The following SOX13 variants were observed in gnomAD, a reference collection of about 807,000 sequenced individuals.
SOX13 encodes the protein SRY-box transcription factor 13.
In SOX13, 28 loss-of-function variants were observed where a neutral mutation model predicts 71.8. The observed-to-expected ratio is 0.39, with a 90% CI of 0.29 to 0.53. The LOEUF (loss-of-function observed/expected upper bound fraction) is 0.53, where lower values mean the gene tolerates loss of function less well. SOX13 is among the 20% of genes least tolerant of loss of function. The pLI is 0.70. For missense variants in SOX13, 627 were observed against 810.3 expected (o/e 0.77, Z 2.75); for synonymous variants, 309 against 317.8 (o/e 0.97, Z 0.29).
chr1:204,110,844 A>G (rs1656567301), intron 1 of SOX13, among the ~76,000 whole-genome samples: 1 of 151,782 alleles, frequency 6.6e-6, no homozygotes, highest in South Asian at 2.1e-4. Flanking sequence ...CTGTAGGGAT[A>G]TTTTTACTAT....
At chr1:204,110,336 T>C (rs1656555070) in intron 1 of SOX13, among the ~76,000 whole-genome samples, 3 of 139,676 alleles carry the variant, frequency 2.1e-5, no homozygotes, top group African/African-American at 7.6e-5. Flanking sequence ...GCTATGTTGC[T>C]CATGCTAATG....
intron 7 of SOX13, chr1:204,119,092 GAA>G (rs942133499): frequency 1.3e-5 from 2 of 152,320 alleles, no homozygotes; most frequent in African/African-American, 4.8e-5. Flanking sequence ...AAGAGAGAGA[GAA>G]GAGGAAATTC....
intron 1 of SOX13, among the ~76,000 whole-genome samples, chr1:204,082,577 C>T (rs1261503216): frequency 2.6e-5 from 4 of 152,100 alleles, no homozygotes; most frequent in African/African-American, 4.8e-5. Flanking sequence ...CCCCCTCGCC[C>T]GGGAGCACTT....
intron 4 of SOX13, 136 bp from the exon 5 acceptor site, chr1:204,116,371 C>G: frequency 6.4e-7 from 1 of 1,571,528 alleles, no homozygotes; most frequent in Non-Finnish European, 8.6e-7. Context: ...GTGTCATCAT[C>G]TCTGTGGCTC....
At chr1:204,099,576 C>A (rs1656321027) in intron 1 of SOX13, among the ~76,000 whole-genome samples, 1 of 151,722 alleles carries the variant, frequency 6.6e-6, no homozygotes, top group African/African-American at 2.4e-5. Flanking sequence ...CCACACCTGG[C>A]AAATTTTTGT....
intron 4 of SOX13, chr1:204,116,296 G>T (rs1420746116): frequency 6.6e-7 from 1 of 1,524,484 alleles, no homozygotes; most frequent in Non-Finnish European, 8.8e-7. Flanking sequence ...GCTAATAGGG[G>T]AGAACTTCTA....
intron 1 of SOX13, among the ~76,000 whole-genome samples, chr1:204,107,137 T>C (rs577656955): frequency 2.0e-5 from 3 of 152,320 alleles, no homozygotes; most frequent in African/African-American, 4.8e-5. Context: ...ACTTACAGAA[T>C]AGATATTCAC....
chr1:204,117,825 T>G (rs147444682), intron 7 of SOX13, 118 bp downstream of exon 7: 1,121 of 662,696 alleles, frequency 1.7e-3, no homozygotes, highest in Non-Finnish European at 2.6e-3. Flanking sequence ...GCCTCAGTTT[T>G]GGATCTGTCT....
intron 1 of SOX13, among the ~76,000 whole-genome samples, chr1:204,107,009 C>A (rs1251883732): frequency 6.6e-6 from 1 of 152,112 alleles, no homozygotes; most frequent in Non-Finnish European, 1.5e-5. Context: ...AAGTTACTTG[C>A]CCAAGGTTGC....
intron 1 of SOX13, among the ~76,000 whole-genome samples, chr1:204,085,155 G>A (rs1240748411): frequency 1.3e-5 from 2 of 152,178 alleles, no homozygotes; most frequent in African/African-American, 4.8e-5. Flanking sequence ...AGCACCTACT[G>A]TGTGCCAGCC....
At chr1:204,096,485 C>T (rs1458865396) in intron 1 of SOX13, among the ~76,000 whole-genome samples, 5 of 151,200 alleles carry the variant, frequency 3.3e-5, no homozygotes, top group East Asian at 3.9e-4. Context: ...GGTGGGTTGT[C>T]GGCTCACTGC....
At chr1:204,075,380 G>T (rs79598780) in intron 1 of SOX13, among the ~76,000 whole-genome samples, 1,809 of 152,372 alleles carry the variant, frequency 0.012, 33 homozygotes, top group African/African-American at 0.04. Flanking sequence ...CGGCGCAGTT[G>T]CGAGTCAGGG....
intron 12 of SOX13, among the ~76,000 whole-genome samples, chr1:204,124,029 G>A (rs2692019): frequency 1.0e-3 from 154 of 152,278 alleles, no homozygotes; most frequent in African/African-American, 2.4e-3. Flanking sequence ...AGGAGTGTGC[G>A]TGTGTGTGTG....
intron 10 of SOX13, 31 bp downstream of exon 10, chr1:204,122,994 G>T (rs1656842078): frequency 3.3e-6 from 5 of 1,523,290 alleles, no homozygotes; most frequent in Middle Eastern, 1.7e-4. Context: ...GAGCCTAGGG[G>T]CAGCAACAGA....
intron 1 of SOX13, among the ~76,000 whole-genome samples, chr1:204,104,920 G>T (rs1483368393): frequency 2.6e-5 from 4 of 152,070 alleles, no homozygotes; most frequent in African/African-American, 9.7e-5. Flanking sequence ...AATCCAACAG[G>T]GTCAGTTGTT....
intron 1 of SOX13, 66 bp from the exon 2 acceptor site, chr1:204,112,849 G>T: frequency 7.2e-7 from 1 of 1,385,584 alleles, no homozygotes; most frequent in South Asian, 1.3e-5. Flanking sequence ...AAACAGTAGG[G>T]TCACTGCCTC....
chr1:204,082,455 C>T lies in SOX13; in HGVS notation c.-2+8744C>T, dbSNP rs11579810. 5.2e-3 allele frequency among the ~76,000 whole-genome samples: 790 copies of T among 152,200 alleles called. 10 individuals carry two copies. The highest frequency in any genetic ancestry group is 0.016 in the African/African-American group (663 of 41,534). On this transcript the variant is annotated intron_variant, in intron 1 of 13. Transcript: ENST00000367204. ...CAGCCAGCTTCTGGTGCCCCAAGCA[C>T]GTTGGGGTTTCAATCCCAGTATACC...
At chr1:204,116,459 G>A in intron 4 of SOX13, 48 bp from the exon 5 acceptor site, 1 of 1,613,140 alleles carries the variant, frequency 6.2e-7, no homozygotes. Flanking sequence ...TGGATGTATA[G>A]ATGAACAAGT....
At chr1:204,109,531 C>A (rs1656535991) in intron 1 of SOX13, among the ~76,000 whole-genome samples, 1 of 152,144 alleles carries the variant, frequency 6.6e-6, no homozygotes, top group Non-Finnish European at 1.5e-5. Context: ...TAGGCTATAC[C>A]ATACAGCCTG....
Sources: allele counts gnomAD v4.1 joint callset (sites outside exome capture counted in the v4.1 genomes callset), GRCh38; gene constraint gnomAD v4.1.1; transcripts MANE v1.5; gene names NCBI Gene and HGNC (gene_info 2026-07-23, HGNC 2026-07-21).